HDAC9: variants seen among roughly 807,000 people sequenced by gnomAD.
The protein encoded by HDAC9 is MEF-2 interacting transcription repressor (MITR) protein.
Under a neutral mutation model 139.4 loss-of-function variants are expected in HDAC9, and 41 were observed. The observed-to-expected ratio is 0.29, with a 90% CI of 0.23 to 0.38. The LOEUF (loss-of-function observed/expected upper bound fraction) is 0.38. HDAC9 is among the 10% of genes least tolerant of loss of function. HDAC9 has a pLI of 1.00. For synonymous variants in HDAC9, 517 were observed against 476.2 expected, an observed-to-expected ratio of 1.09 and a Z score of -1.12; for missense variants, 1,147 against 1,297.0, an observed-to-expected ratio of 0.88 and a Z score of 1.78.
At chr7:18,339,034 A>G (rs1781793976) in intron 1 of HDAC9, among the ~76,000 whole-genome samples, 2 of 151,524 alleles carry the variant, frequency 1.3e-5, no homozygotes, top group South Asian at 4.1e-4. Flanking sequence ...AAGTTTTCAA[A>G]TGTATAGGCA....
At chr7:18,173,374 A>G (rs776590053) in intron 2 of HDAC9, among the ~76,000 whole-genome samples, 1 of 152,314 alleles carries the variant, frequency 6.6e-6, no homozygotes, top group East Asian at 1.9e-4. Flanking sequence ...TCTCCTGAAT[A>G]CATCACACTG....
chr7:18,987,536 G>T lies in HDAC9; in HGVS notation c.3171-8487G>T, dbSNP rs559713538. ...TATTGGTCTAAAATTCTCTTTTTTGGTTGTGTCTCTGCCAGGCTTTGGTAT... is the reference window on the plus strand; with the variant it reads ...TATTGGTCTAAAATTCTCTTTTTTGTTTGTGTCTCTGCCAGGCTTTGGTAT... On this transcript the variant is annotated intron_variant, in intron 25 of 25. Coordinates refer to ENST00000686413, the MANE Select transcript of HDAC9 (RefSeq NM_178425.4). Among the ~76,000 whole-genome samples the T allele has an allele frequency of 7.8e-4, 118 of 152,104 alleles. 1 individual carries two copies. The highest frequency in any genetic ancestry group is 2.7e-3 in the African/African-American group (111 of 41,464).
At chr7:18,978,949 T>A (rs717982) in intron 25 of HDAC9, among the ~76,000 whole-genome samples, 4 of 150,684 alleles carry the variant, frequency 2.7e-5, no homozygotes, top group African/African-American at 9.8e-5. Context: ...TGTGTGTGTG[T>A]TTTTTTTTTA....
chr7:18,108,086 C>A (rs1439764603), intron 1 of HDAC9, among the ~76,000 whole-genome samples: 3 of 152,090 alleles, frequency 2.0e-5, no homozygotes. Flanking sequence ...AAAAATATGC[C>A]TACAATTAGC....
At chr7:18,654,857 C>T (rs1045919405) in intron 11 of HDAC9, among the ~76,000 whole-genome samples, 2 of 152,254 alleles carry the variant, frequency 1.3e-5, no homozygotes, top group African/African-American at 2.4e-5. Context: ...AGTCTTTGCA[C>T]GTGGACCTGA....
intron 5 of HDAC9, 139 bp downstream of exon 5, chr7:18,591,781 C>T: frequency 8.6e-7 from 1 of 1,156,954 alleles, no homozygotes; most frequent in Non-Finnish European, 1.2e-6. Context: ...CTCTAAGGAT[C>T]AGTTTCCTTC....
intron 2 of HDAC9, among the ~76,000 whole-genome samples, chr7:18,229,789 GA>G: frequency 1.3e-5 from 2 of 152,030 alleles, no homozygotes; most frequent in East Asian, 1.9e-4. Context: ...TAGATCAAGG[GA>G]AAAAATCATG....
intron 25 of HDAC9, among the ~76,000 whole-genome samples, chr7:18,991,225 G>A (rs1158137176): frequency 6.6e-6 from 1 of 152,114 alleles, no homozygotes; most frequent in East Asian, 1.9e-4. Flanking sequence ...TAACATTGGA[G>A]GGGGGAGATG....
At position 18,920,605 on chromosome 7, in the gene HDAC9, A is replaced by C. The variant is rs1206668206; in HGVS notation, c.2804-15204A>C. Among the ~76,000 whole-genome samples the C allele has an allele frequency of 2.0e-5, 3 of 152,134 alleles. No homozygotes were observed. The East Asian group carries it at 5.8e-4, about 29-fold the overall frequency. On this transcript the variant is annotated intron_variant, in intron 22 of 25. Coordinates refer to ENST00000686413, the MANE Select transcript of HDAC9 (RefSeq NM_178425.4). ...AAGGGAATGCTTCCAGTTTTTGTCC[A>C]TTCAGTAAGATATTGGCTGTGGGTT...
chr7:18,789,247 T>C (rs574769846), intron 16 of HDAC9, among the ~76,000 whole-genome samples: 2 of 151,332 alleles, frequency 1.3e-5, no homozygotes, highest in South Asian at 4.2e-4. Context: ...TTTCAGCTCA[T>C]GTACTATTAC....
intron 17 of HDAC9, among the ~76,000 whole-genome samples, chr7:18,817,314 G>A (rs749758465): frequency 5.3e-5 from 8 of 152,014 alleles, no homozygotes; most frequent in Non-Finnish European, 8.8e-5. Flanking sequence ...GTTTACAGGC[G>A]TGAGCCACCG....
intron 12 of HDAC9, among the ~76,000 whole-genome samples, chr7:18,722,186 A>G (rs1584914604): frequency 6.6e-6 from 1 of 152,206 alleles, no homozygotes; most frequent in East Asian, 1.9e-4. Context: ...CTGGCAAAAT[A>G]ACCCATCAAA....
intron 1 of HDAC9, among the ~76,000 whole-genome samples, chr7:18,328,917 C>G (rs1273758332): frequency 1.3e-5 from 2 of 151,736 alleles, no homozygotes; most frequent in Non-Finnish European, 2.9e-5. Flanking sequence ...TAGAATTTGT[C>G]AGTGAAGTCA....
chr7:18,429,771 G>A (rs1790468080), intron 1 of HDAC9, among the ~76,000 whole-genome samples: 1 of 152,128 alleles, frequency 6.6e-6, no homozygotes. Flanking sequence ...GAATTCCTAT[G>A]CTATTTAGAT....
chr7:18,329,879 A>G (rs12112410), intron 1 of HDAC9, among the ~76,000 whole-genome samples: 42,512 of 151,522 alleles, frequency 0.28, 6,294 homozygotes, highest in African/African-American at 0.38. Flanking sequence ...ACTACCGTTT[A>G]GCTAGCCACA....
chr7:18,992,787 C>T (rs1786092164), intron 25 of HDAC9, among the ~76,000 whole-genome samples: 1 of 151,944 alleles, frequency 6.6e-6, no homozygotes, highest in Non-Finnish European at 1.5e-5. Context: ...CTTTGATTAT[C>T]AATGACAGAA....
At chr7:18,761,169 C>G (rs1789351791) in intron 14 of HDAC9, among the ~76,000 whole-genome samples, 1 of 152,196 alleles carries the variant, frequency 6.6e-6, no homozygotes, top group Non-Finnish European at 1.5e-5. Context: ...GGCTAATTAA[C>G]TTCGTGCACC....
chr7:18,478,421 C>T (rs1795294767), intron 1 of HDAC9, among the ~76,000 whole-genome samples: 2 of 152,192 alleles, frequency 1.3e-5, no homozygotes, highest in Non-Finnish European at 2.9e-5. Context: ...TTCTGTGCTG[C>T]ACTCTCAGGA....
intron 1 of HDAC9, among the ~76,000 whole-genome samples, chr7:18,380,930 C>A (rs915012016): frequency 2.0e-5 from 3 of 151,926 alleles, no homozygotes; most frequent in African/African-American, 7.2e-5. Flanking sequence ...TGGCTCATGC[C>A]TGTAATCCCA....
Sources: gnomAD v4.1 joint callset for allele counts (sites outside exome capture counted in the v4.1 genomes callset) on GRCh38, gnomAD v4.1.1 for gene constraint, MANE v1.5 for transcripts, NCBI Gene and HGNC (gene_info 2026-07-23, HGNC 2026-07-21) for gene names.